Variants in CCDC152 observed in about 807,000 individuals in gnomAD.
CCDC152 encodes the protein coiled-coil domain containing 152.
Under a neutral mutation model 38.1 loss-of-function variants are expected in CCDC152, and 37 were observed. That is an observed-to-expected ratio of 0.97 (90% confidence interval 0.75 to 1.28). CCDC152 has a LOEUF of 1.28. CCDC152 is among the 50% of genes most tolerant of loss of function. The pLI is 0.00. For synonymous variants in CCDC152, 83 were observed against 87.1 expected (o/e 0.95, Z 0.26); for missense variants, 259 against 292.1 (o/e 0.89, Z 0.83).
intron 6 of CCDC152, among the ~76,000 whole-genome samples, chr5:42,787,667 A>G (rs1759940804): frequency 6.6e-6 from 1 of 151,810 alleles, no homozygotes; most frequent in African/African-American, 2.4e-5. Context: ...TATAGTAGTT[A>G]GGTAATTGCT....
chr5:42,762,850 C>T (rs552050868), intron 3 of CCDC152, among the ~76,000 whole-genome samples: 18 of 152,182 alleles, frequency 1.2e-4, no homozygotes, highest in African/African-American at 3.1e-4. Context: ...CTATAAAAAC[C>T]ATAGGGAAAA....
Position 42,800,891 on chromosome 5 carries a change from T to C in CCDC152, c.*1110T>C. ...GAAGTCCCTGTCAGCTACATAAAGA[T>C]GGGAGGTTTTCTTTACACTGTCAGG... On this transcript the variant is annotated 3_prime_UTR_variant, in exon 9 of 9. Coordinates refer to ENST00000361970, the MANE Select transcript of CCDC152 (RefSeq NM_001134848.2). The C allele has an allele frequency of 1.9e-6, 3 of 1,614,182 alleles. No individual in the cohort carries two copies. The highest frequency in any genetic ancestry group is 2.5e-6 in the Non-Finnish European group (3 of 1,180,024).
intron 6 of CCDC152, among the ~76,000 whole-genome samples, chr5:42,793,909 G>A (rs1289153292): frequency 1.3e-5 from 2 of 152,100 alleles, no homozygotes; most frequent in South Asian, 4.1e-4. Flanking sequence ...AAGCTCAGCT[G>A]GACTTGGGGA....
rs1053387410 is a variant in CCDC152 at position 42,799,846 on chromosome 5, C to T, written c.*65C>T. On this transcript the variant is annotated 3_prime_UTR_variant, in exon 9 of 9. Transcript: ENST00000361970. Reference sequence around the variant, plus strand: ...CAATCGAAAGTTTCACTTCTGTTTTCAATATATGCATACAGCCTACATAAC... The same window carrying T: ...CAATCGAAAGTTTCACTTCTGTTTTTAATATATGCATACAGCCTACATAAC... 5 of 1,485,070 alleles carry T rather than the reference C, an allele frequency of 3.4e-6. No individual in the cohort carries two copies. The African/African-American group carries it at 7.0e-5, about 21-fold the overall frequency. 92.0% of individuals were successfully genotyped at this position (1,485,070 alleles called of 1,614,324 possible). A position where few individuals can be genotyped will look rare whatever the true frequency, so the allele number is the denominator to read the frequency against.
intron 6 of CCDC152, among the ~76,000 whole-genome samples, chr5:42,796,392 GAGA>G (rs1364259532): frequency 6.6e-6 from 1 of 152,084 alleles, no homozygotes; most frequent in Non-Finnish European, 1.5e-5. Context: ...AGAAAGTTGG[GAGA>G]AGAAGAAATT....
chr5:42,782,887 G>A (rs1759866347), intron 5 of CCDC152, among the ~76,000 whole-genome samples: 1 of 149,738 alleles, frequency 6.7e-6, no homozygotes, highest in Admixed American at 6.7e-5. Flanking sequence ...TTTTTTTTGA[G>A]ACAGAGTCTC....
Position 42,801,604 on chromosome 5 carries a change from G to A in CCDC152, c.*1823G>A. On this transcript the variant is annotated 3_prime_UTR_variant, in exon 9 of 9. Coordinates refer to ENST00000361970, the MANE Select transcript of CCDC152 (RefSeq NM_001134848.2). ...GAACTTGGATTGCAGGAAAGTCAAA[G>A]TAATATCAAATCCTAAATTCAGTTG... 1 of 447,238 alleles carries A rather than the reference G, an allele frequency of 2.2e-6. No homozygotes were observed. Among genetic ancestry groups the A allele is most frequent in the Non-Finnish European group, 3.9e-6 (1 of 257,454 alleles). 27.7% of individuals were successfully genotyped at this position (447,238 alleles called of 1,614,324 possible).
At chr5:42,762,372 G>T in intron 2 of CCDC152, 71 bp from the exon 3 acceptor site, 1 of 766,008 alleles carries the variant, frequency 1.3e-6, no homozygotes, top group Non-Finnish European at 2.2e-6. Flanking sequence ...TCATTAGTCT[G>T]CATATACTTA....
chr5:42,775,526 G>A (rs1335912529), intron 4 of CCDC152, among the ~76,000 whole-genome samples: 1 of 152,106 alleles, frequency 6.6e-6, no homozygotes, highest in Non-Finnish European at 1.5e-5. Flanking sequence ...CAAAAATTGA[G>A]GGTATTTGTT....
In CCDC152 at chr5:42,777,319, C is replaced by T. The variant is rs548327382; in HGVS notation, c.263-2139C>T. On this transcript the variant is annotated intron_variant, in intron 4 of 8. Coordinates refer to ENST00000361970, the MANE Select transcript of CCDC152 (RefSeq NM_001134848.2). ...CTCTACCAAAAATACAAAAATTAGC[C>T]GGGCATGGTGGTGTGTGCCTGTAAT... Among the ~76,000 whole-genome samples the T allele has an allele frequency of 8.6e-5, 13 of 151,940 alleles. No homozygotes were observed. The East Asian group carries it at 9.7e-4, about 11-fold the overall frequency.
intron 6 of CCDC152, among the ~76,000 whole-genome samples, chr5:42,784,303 T>C (rs1759890685): frequency 6.6e-6 from 1 of 152,212 alleles, no homozygotes; most frequent in Non-Finnish European, 1.5e-5. Context: ...TTAGTCATTT[T>C]GACTGGTTTG....
At chr5:42,797,348 T>G (rs1760088879) in intron 7 of CCDC152, among the ~76,000 whole-genome samples, 1 of 152,222 alleles carries the variant, frequency 6.6e-6, no homozygotes, top group Non-Finnish European at 1.5e-5. Context: ...TAGACTTTAC[T>G]ACCAGTTCCT....
At chr5:42,771,130 A>G (rs1196804782) in intron 4 of CCDC152, among the ~76,000 whole-genome samples, 3 of 152,174 alleles carry the variant, frequency 2.0e-5, no homozygotes, top group Non-Finnish European at 4.4e-5. Context: ...TTCCAACACT[A>G]TGTTGAAAAG....
intron 4 of CCDC152, among the ~76,000 whole-genome samples, chr5:42,776,012 A>AAAG (rs1028293893): frequency 6.6e-6 from 1 of 152,086 alleles, no homozygotes; most frequent in African/African-American, 2.4e-5. Flanking sequence ...AAAGGCAGAA[A>AAAG]AAGAATAGAA....
intron 4 of CCDC152, among the ~76,000 whole-genome samples, chr5:42,772,074 G>T (rs932937852): frequency 6.6e-6 from 1 of 152,046 alleles, no homozygotes; most frequent in African/African-American, 2.4e-5. Flanking sequence ...AACCAAGTGG[G>T]ATTTATCCCT....
intron 4 of CCDC152, among the ~76,000 whole-genome samples, chr5:42,776,267 T>G (rs1759767827): frequency 6.6e-6 from 1 of 152,170 alleles, no homozygotes; most frequent in Non-Finnish European, 1.5e-5. Flanking sequence ...TATGCCGTGC[T>G]AACACTAAGA....
intron 4 of CCDC152, among the ~76,000 whole-genome samples, chr5:42,777,252 A>T (rs568577320): frequency 4.4e-4 from 67 of 151,974 alleles, no homozygotes; most frequent in Non-Finnish European, 8.8e-5. Context: ...CATTAAGAGG[A>T]TAATAAAGGA....
At chr5:42,766,077 A>G (rs10941587) in intron 3 of CCDC152, among the ~76,000 whole-genome samples, 33,356 of 152,146 alleles carry the variant, frequency 0.22, 4,542 homozygotes, top group Admixed American at 0.35. Flanking sequence ...AAAAAAATCT[A>G]ATAATCCAAT....
intron 4 of CCDC152, among the ~76,000 whole-genome samples, chr5:42,778,421 A>C (rs1191998974): frequency 6.6e-6 from 1 of 152,208 alleles, no homozygotes; most frequent in African/African-American, 2.4e-5. Flanking sequence ...CTTTACAGCC[A>C]CTGATCTAGC....
Sources: gnomAD v4.1 joint callset for allele counts (sites outside exome capture counted in the v4.1 genomes callset) on GRCh38, gnomAD v4.1.1 for gene constraint, MANE v1.5 for transcripts, NCBI Gene and HGNC (gene_info 2026-07-23, HGNC 2026-07-21) for gene names.